The following CNTN6 variants were observed in gnomAD, a reference collection of about 807,000 sequenced individuals.
CNTN6 encodes contactin-6.
In CNTN6, 137 loss-of-function variants were observed where a neutral mutation model predicts 122.8. The observed-to-expected ratio is 1.12, with a 90% CI of 0.97 to 1.29. CNTN6 has a LOEUF of 1.29. Among genes scored for constraint, CNTN6 ranks in the 50% most tolerant of loss-of-function variants. CNTN6 has a pLI of 0.00. For synonymous variants in CNTN6, 570 were observed against 426.0 expected (o/e 1.34, Z -4.16); for missense variants, 1,634 against 1,223.4 (o/e 1.34, Z -5.01).
intron 4 of CNTN6, among the ~76,000 whole-genome samples, chr3:1,276,470 T>A: frequency 6.6e-6 from 1 of 152,236 alleles, no homozygotes; most frequent in Non-Finnish European, 1.5e-5. Context: ...ATTTGTATTT[T>A]AAATTTAAAC....
At chr3:1,266,536 A>C (rs565672831) in intron 4 of CNTN6, among the ~76,000 whole-genome samples, 2 of 152,204 alleles carry the variant, frequency 1.3e-5, no homozygotes, top group Non-Finnish European at 2.9e-5. Flanking sequence ...ACCTTTACCC[A>C]GGAGCTCTGT....
chr3:1,253,528 A>G (rs2094704305), intron 4 of CNTN6, among the ~76,000 whole-genome samples: 1 of 152,198 alleles, frequency 6.6e-6, no homozygotes, highest in Non-Finnish European at 1.5e-5. Flanking sequence ...TATTGATGAC[A>G]TCGTTTTCAA....
At chr3:1,254,009 G>C (rs2094713213) in intron 4 of CNTN6, among the ~76,000 whole-genome samples, 1 of 152,140 alleles carries the variant, frequency 6.6e-6, no homozygotes, top group South Asian at 2.1e-4. Context: ...GATTGTTCTA[G>C]TAACCGACAT....
Position 1,261,450 on chromosome 3 carries a change from A to C in CNTN6, c.359-16963A>C, listed in dbSNP as rs374162658. Among the ~76,000 whole-genome samples the C allele has an allele frequency of 9.9e-5, 15 of 152,158 alleles. 1 individual carries two copies. Among genetic ancestry groups the C allele is most frequent in the East Asian group, 9.6e-4 (5 of 5,188 alleles). On this transcript the variant is annotated intron_variant, in intron 4 of 22. Coordinates refer to ENST00000446702, the MANE Select transcript of CNTN6 (RefSeq NM_001289080.2). ...CTCATTATTAGCCCAGCATAGGCCA[A>C]GGAAACTGGGACATTTACTCATTAC...
At chr3:1,232,391 G>A (rs2094363660) in intron 4 of CNTN6, among the ~76,000 whole-genome samples, 1 of 152,100 alleles carries the variant, frequency 6.6e-6, no homozygotes, top group African/African-American at 2.4e-5. Context: ...AAGATTAAAT[G>A]GTAGATAAGA....
At chr3:1,255,104 G>A (rs1490535269) in intron 4 of CNTN6, among the ~76,000 whole-genome samples, 4 of 152,062 alleles carry the variant, frequency 2.6e-5, no homozygotes, top group African/African-American at 9.7e-5. Context: ...TAGCTGGGTG[G>A]GGATCCAAGA....
intron 20 of CNTN6, among the ~76,000 whole-genome samples, chr3:1,396,518 C>T (rs1481966707): frequency 2.0e-5 from 3 of 152,140 alleles, no homozygotes; most frequent in Non-Finnish European, 4.4e-5. Flanking sequence ...ATTTTCTCAT[C>T]TGAAAAATAG....
At chr3:1,264,095 A>T (rs878917941) in intron 4 of CNTN6, among the ~76,000 whole-genome samples, 2 of 152,112 alleles carry the variant, frequency 1.3e-5, no homozygotes, top group Admixed American at 1.3e-4. Flanking sequence ...GGATGGGGTA[A>T]ACAGGGCCAT....
chr3:1,186,582 AG>A (rs1370307069), intron 2 of CNTN6, among the ~76,000 whole-genome samples: 1 of 152,176 alleles, frequency 6.6e-6, no homozygotes, highest in Non-Finnish European at 1.5e-5. Context: ...CCTGGGAGTT[AG>A]GGCTCTTTCA....
chr3:1,204,039 C>T (rs751294599), intron 2 of CNTN6, among the ~76,000 whole-genome samples: 12 of 152,300 alleles, frequency 7.9e-5, no homozygotes, highest in Middle Eastern at 6.8e-3. Flanking sequence ...TGTGTAAGTG[C>T]ACTCTGTGAT....
At chr3:1,393,117 T>C (rs1226555090) in intron 20 of CNTN6, among the ~76,000 whole-genome samples, 3 of 55,868 alleles carry the variant, frequency 5.4e-5, no homozygotes, top group African/African-American at 1.2e-4. Flanking sequence ...CGTATGTTTA[T>C]TGCGGCACTA....
At position 1,316,639 on chromosome 3, in the gene CNTN6, A is replaced by G. The variant is rs576103201; in HGVS notation, c.762-5011A>G. On this transcript the variant is annotated intron_variant, in intron 7 of 22. Coordinates refer to ENST00000446702, the MANE Select transcript of CNTN6 (RefSeq NM_001289080.2). ...ATGTAAAGAAGATTCTTGCTTATAAATGTGCAACAAAATTTAGCTAAGGAT... is the reference window on the plus strand; with the variant it reads ...ATGTAAAGAAGATTCTTGCTTATAAGTGTGCAACAAAATTTAGCTAAGGAT... 8.6e-5 allele frequency among the ~76,000 whole-genome samples: 13 copies of G among 151,990 alleles called. No individual in the cohort carries two copies. In the South Asian group the frequency reaches 2.7e-3, roughly 32 times the overall value.
At chr3:1,322,626 A>C (rs1209693200) in intron 8 of CNTN6, among the ~76,000 whole-genome samples, 1 of 151,474 alleles carries the variant, frequency 6.6e-6, no homozygotes, top group Non-Finnish European at 1.5e-5. Context: ...ATTAGAGAAA[A>C]TATGTGTGTA....
chr3:1,390,070 T>C (rs888814642), intron 20 of CNTN6, among the ~76,000 whole-genome samples: 1 of 152,018 alleles, frequency 6.6e-6, no homozygotes, highest in African/African-American at 2.4e-5. Context: ...CTAATAGACA[T>C]CTACAGAACT....
chr3:1,307,908 T>G (rs1337479621), intron 7 of CNTN6, among the ~76,000 whole-genome samples: 4 of 152,166 alleles, frequency 2.6e-5, no homozygotes, highest in Admixed American at 6.6e-5. Flanking sequence ...TGGCCTTGAT[T>G]ACCTGGCTGA....
At chr3:1,365,322 T>C (rs149493451) in intron 12 of CNTN6, among the ~76,000 whole-genome samples, 1 of 152,188 alleles carries the variant, frequency 6.6e-6, no homozygotes, top group Non-Finnish European at 1.5e-5. Context: ...CTTTTTAATA[T>C]AACATAAAAC....
chr3:1,103,771 C>T (rs1329665753), intron 1 of CNTN6, among the ~76,000 whole-genome samples: 1 of 152,030 alleles, frequency 6.6e-6, no homozygotes, highest in African/African-American at 2.4e-5. Context: ...TCCAAAGAAA[C>T]ATGGAACAAA....
chr3:1,174,587 GATT>G (rs1255099105), intron 2 of CNTN6, among the ~76,000 whole-genome samples: 1 of 152,134 alleles, frequency 6.6e-6, no homozygotes. Flanking sequence ...TAAAATTCAA[GATT>G]ATAATTGTAG....
At chr3:1,251,227 A>T (rs73818515) in intron 4 of CNTN6, among the ~76,000 whole-genome samples, 2 of 151,998 alleles carry the variant, frequency 1.3e-5, no homozygotes, top group African/African-American at 4.8e-5. Context: ...CGCTGCTAAG[A>T]TGACTCTTTT....
Sources: gnomAD v4.1 joint callset for allele counts (sites outside exome capture counted in the v4.1 genomes callset) on GRCh38, gnomAD v4.1.1 for gene constraint, MANE v1.5 for transcripts, NCBI Gene and HGNC (gene_info 2026-07-23, HGNC 2026-07-21) for gene names.